Variants in CADM2 observed in about 807,000 individuals in gnomAD.
CADM2 encodes immunoglobulin superfamily member 4D.
A neutral mutation model predicts 49.8 loss-of-function variants in CADM2; 12 were observed. The ratio of observed to expected loss-of-function variants is 0.24; its 90% CI spans 0.15 to 0.39. The LOEUF (loss-of-function observed/expected upper bound fraction) is 0.39. Among genes scored for constraint, CADM2 ranks in the 10% least tolerant of loss-of-function variants. CADM2 has a pLI of 1.00. For missense variants in CADM2, 378 were observed against 492.3 expected, an observed-to-expected ratio of 0.77 and a Z score of 2.20; for synonymous variants, 214 against 175.4, an observed-to-expected ratio of 1.22 and a Z score of -1.74.
intron 1 of CADM2, among the ~76,000 whole-genome samples, chr3:85,153,149 A>C (rs1483334993): frequency 1.3e-5 from 2 of 152,080 alleles, no homozygotes; most frequent in Non-Finnish European, 2.9e-5. Flanking sequence ...AAGACGGGTG[A>C]TTTCTGCATT....
chr3:85,652,870 C>G lies in CADM2; in HGVS notation c.62-73652C>G, dbSNP rs996483629. On this transcript the variant is annotated intron_variant, in intron 1 of 9. Coordinates refer to ENST00000383699, the MANE Select transcript of CADM2 (RefSeq NM_001167675.2). ...TCGGTTCACTGTAACCTGTGCCTCC[C>G]GGGTTCAAGTGATTCTCCTGCCTTA... Among the ~76,000 whole-genome samples, 3 of 136,702 alleles carry G rather than the reference C, an allele frequency of 2.2e-5. No homozygotes were observed. In the Admixed American group the frequency reaches 2.5e-4, roughly 11 times the overall value. The allele number at this position is 136,702 out of a possible 152,430, so 89.7% of individuals were successfully genotyped here. A position where few individuals can be genotyped will look rare whatever the true frequency, so the allele number is the denominator to read the frequency against.
chr3:85,891,969 A>G (rs573159191), intron 5 of CADM2, among the ~76,000 whole-genome samples: 3 of 152,224 alleles, frequency 2.0e-5, no homozygotes, highest in Non-Finnish European at 4.4e-5. Flanking sequence ...TTAAACTTAC[A>G]GTAATGTGTT....
intron 1 of CADM2, among the ~76,000 whole-genome samples, chr3:85,179,105 T>A (rs1181650868): frequency 6.6e-6 from 1 of 151,964 alleles, no homozygotes; most frequent in African/African-American, 2.4e-5. Flanking sequence ...CAGTGATGCA[T>A]TAAGCAGCTA....
intron 1 of CADM2, among the ~76,000 whole-genome samples, chr3:85,603,060 C>T (rs1165826985): frequency 2.0e-5 from 3 of 151,848 alleles, no homozygotes; most frequent in Non-Finnish European, 2.9e-5. Context: ...ACTTTAAACA[C>T]TGTGTTCATG....
At chr3:85,258,950 C>T (rs1042465784) in intron 1 of CADM2, among the ~76,000 whole-genome samples, 1 of 152,074 alleles carries the variant, frequency 6.6e-6, no homozygotes, top group African/African-American at 2.4e-5. Context: ...GAACTGCCTG[C>T]CCCTGTCAAA....
Position 85,538,555 on chromosome 3 carries a change from T to C in CADM2, c.62-187967T>C, listed in dbSNP as rs77418062. ...AATGCTTTAAAAATGTATATATTAC[T>C]GAGAAGTTTGAGATGCTGGGAAACA... On this transcript the variant is annotated intron_variant, in intron 1 of 9. Transcript: ENST00000383699. Among the ~76,000 whole-genome samples the C allele has an allele frequency of 8.2e-4, 125 of 152,234 alleles. 1 individual carries two copies. In the East Asian group the frequency reaches 0.022, roughly 27 times the overall value.
In CADM2 at chr3:86,066,688, A is replaced by G. The variant is rs753372042; in HGVS notation, c.1120A>G (p.Lys374Glu). 1.9e-6 allele frequency: 3 copies of G among 1,613,604 alleles called. No homozygotes were observed. The highest frequency in any genetic ancestry group is 1.1e-5 in the South Asian group (1 of 91,070). Residue 374 changes from lysine (K) to glutamate (E), a missense_variant, in exon 10 of 10, where the codon AAA (lysine) becomes GAA (glutamate). Transcript: ENST00000383699. Reference protein sequence around the residue: ...HKGTYLTNEAKGAEDAPDADT... With the variant: ...HKGTYLTNEAEGAEDAPDADT... ...AGGAACGTATTTAACAAATGAAGCTAAAGGAGCTGAAGATGCACCAGATGC... is the reference window on the plus strand; with the variant it reads ...AGGAACGTATTTAACAAATGAAGCTGAAGGAGCTGAAGATGCACCAGATGC...
At chr3:85,578,233 A>G (rs1408146514) in intron 1 of CADM2, among the ~76,000 whole-genome samples, 1 of 152,140 alleles carries the variant, frequency 6.6e-6, no homozygotes, top group Admixed American at 6.6e-5. Context: ...GCATTGTCAG[A>G]TGCACTAATG....
intron 1 of CADM2, among the ~76,000 whole-genome samples, chr3:85,393,089 TAAA>T (rs781046665): frequency 2.3e-5 from 3 of 128,394 alleles, no homozygotes; most frequent in African/African-American, 8.9e-5. Flanking sequence ...GTAAACTCTT[TAAA>T]AAAAAAAAAA....
chr3:85,357,806 A>G (rs931765692), intron 1 of CADM2, among the ~76,000 whole-genome samples: 2 of 152,248 alleles, frequency 1.3e-5, no homozygotes, highest in East Asian at 1.9e-4. Context: ...TGTATCATTT[A>G]AAGTTATTAA....
chr3:85,469,713 A>T (rs796437879), intron 1 of CADM2, among the ~76,000 whole-genome samples: 13 of 152,296 alleles, frequency 8.5e-5, no homozygotes, highest in African/African-American at 3.1e-4. Flanking sequence ...CACCATTGGC[A>T]ATTACAAAGA....
chr3:86,054,563 C>G (rs1296757637), intron 8 of CADM2, among the ~76,000 whole-genome samples: 1 of 151,930 alleles, frequency 6.6e-6, no homozygotes, highest in Non-Finnish European at 1.5e-5. Context: ...ATTGGTACAG[C>G]CTGAAATTTT....
Position 85,691,902 on chromosome 3 carries a change from A to C in CADM2, c.62-34620A>C, listed in dbSNP as rs573366424. On this transcript the variant is annotated intron_variant, in intron 1 of 9. Transcript: ENST00000383699. ...AAAAAACCAAACACCGCATGTTCTC[A>C]CTCATAGGTGGGAATTGAACAATGA... Among the ~76,000 whole-genome samples, 717 of 152,074 alleles carry C rather than the reference A, an allele frequency of 4.7e-3. 5 individuals carry two copies. The highest frequency in any genetic ancestry group is 0.017 in the African/African-American group (695 of 41,498).
intron 2 of CADM2, among the ~76,000 whole-genome samples, chr3:85,784,529 T>G (rs1379227704): frequency 1.5e-5 from 2 of 136,630 alleles, no homozygotes; most frequent in African/African-American, 5.6e-5. Flanking sequence ...TCTAAATATA[T>G]TTATCTATCT....
At chr3:85,845,195 G>T (rs1025490819) in intron 3 of CADM2, among the ~76,000 whole-genome samples, 4 of 144,656 alleles carry the variant, frequency 2.8e-5, no homozygotes, top group Admixed American at 6.9e-5. Context: ...GAAAAGAAAA[G>T]AAAAACTTGT....
intron 2 of CADM2, among the ~76,000 whole-genome samples, chr3:85,754,707 C>T (rs2069020447): frequency 6.6e-6 from 1 of 150,766 alleles, no homozygotes; most frequent in South Asian, 2.1e-4. Context: ...AAAAAGAAAA[C>T]AATAATAATA....
intron 1 of CADM2, among the ~76,000 whole-genome samples, chr3:85,129,574 A>C (rs1470001580): frequency 6.6e-6 from 1 of 152,192 alleles, no homozygotes; most frequent in Non-Finnish European, 1.5e-5. Context: ...TGTTCACTTC[A>C]TGTGGCTTCT....
chr3:86,056,234 G>C (rs1014709980), intron 8 of CADM2, among the ~76,000 whole-genome samples: 2 of 152,140 alleles, frequency 1.3e-5, no homozygotes, highest in African/African-American at 4.8e-5. Flanking sequence ...CTGCTCTGCT[G>C]GTTGAGAGTA....
chr3:85,491,385 T>A (rs2039662249), intron 1 of CADM2, among the ~76,000 whole-genome samples: 1 of 152,200 alleles, frequency 6.6e-6, no homozygotes, highest in Non-Finnish European at 1.5e-5. Flanking sequence ...TTGAATTGAA[T>A]TTATGTCCAT....
Sources: allele counts gnomAD v4.1 joint callset (sites outside exome capture counted in the v4.1 genomes callset), GRCh38; gene constraint gnomAD v4.1.1; transcripts MANE v1.5; gene names NCBI Gene and HGNC (gene_info 2026-07-23, HGNC 2026-07-21).